Variants in SDK2 observed in about 807,000 individuals in gnomAD.
SDK2 encodes protein sidekick-2.
Under a neutral mutation model 253.9 loss-of-function variants are expected in SDK2, and 105 were observed. The ratio of observed to expected loss-of-function variants is 0.41; its 90% CI spans 0.35 to 0.49. The LOEUF (loss-of-function observed/expected upper bound fraction) is 0.49, where lower values mean the gene tolerates loss of function less well. Ranked by LOEUF, SDK2 falls within the 20% of genes least tolerant of loss-of-function variation. The pLI is 0.06. For synonymous variants in SDK2, 1,249 were observed against 1,234.9 expected (o/e 1.01, Z -0.24); for missense variants, 2,608 against 3,003.0 (o/e 0.87, Z 3.07).
At chr17:73,384,794 C>T (rs2062858859) in intron 32 of SDK2, among the ~76,000 whole-genome samples, 1 of 152,186 alleles carries the variant, frequency 6.6e-6, no homozygotes. Flanking sequence ...CCAGCCTGGG[C>T]AACAGCGCAA....
chr17:73,350,999 G>T (rs147603012), intron 41 of SDK2, among the ~76,000 whole-genome samples: 7 of 152,318 alleles, frequency 4.6e-5, no homozygotes, highest in African/African-American at 1.7e-4. Context: ...GCTGATGTCA[G>T]ATGAGTTCTG....
rs796101816 is a variant in SDK2 at position 73,368,646 on chromosome 17, C to T, written c.4981-53G>A. 6 of 1,409,946 alleles carry T rather than the reference C, an allele frequency of 4.3e-6. No homozygotes were observed. The African/African-American group carries it at 7.2e-5, about 17-fold the overall frequency. 87.3% of individuals were successfully genotyped at this position (1,409,946 alleles called of 1,614,324 possible). A position where few individuals can be genotyped will look rare whatever the true frequency, so the allele number is the denominator to read the frequency against. On this transcript the variant is annotated intron_variant, in intron 36 of 44. Transcript: ENST00000392650. ...AGGGGGACAGGGGCAATGAGAGTCC[C>T]TCCTGTCCCTGCTGACCTGTAGTCT...
chr17:73,387,707 G>A (rs2062884614), intron 30 of SDK2, 129 bp downstream of exon 30: 1 of 778,492 alleles, frequency 1.3e-6, no homozygotes, highest in Non-Finnish European at 2.0e-6. Flanking sequence ...CGCCTGGGTG[G>A]TGCATGTAGG....
intron 1 of SDK2, among the ~76,000 whole-genome samples, chr17:73,559,656 T>C (rs1469502335): frequency 1.7e-5 from 2 of 117,440 alleles, no homozygotes; most frequent in African/African-American, 6.7e-5. Flanking sequence ...CTCTCCAGCC[T>C]CCGAAGGGCC....
chr17:73,358,772 C>T (rs1159794095), intron 39 of SDK2, among the ~76,000 whole-genome samples: 2 of 152,044 alleles, frequency 1.3e-5, no homozygotes, highest in Non-Finnish European at 2.9e-5. Flanking sequence ...ACTGCATTTC[C>T]TATTAGGTTA....
chr17:73,423,831 GAA>G (rs11287411), intron 13 of SDK2, 83 bp downstream of exon 13: 1 of 1,217,088 alleles, frequency 8.2e-7, no homozygotes, highest in Non-Finnish European at 1.1e-6. Flanking sequence ...CTGGGGATCT[GAA>G]AAAAGGGACT....
intron 17 of SDK2, among the ~76,000 whole-genome samples, chr17:73,415,057 G>A (rs189765095): frequency 1.3e-5 from 2 of 152,306 alleles, no homozygotes; most frequent in Admixed American, 6.5e-5. Context: ...GCTGTTTCAT[G>A]ATCTACTTAA....
chr17:73,524,998 C>T (rs192726184), intron 1 of SDK2, among the ~76,000 whole-genome samples: 234 of 152,356 alleles, frequency 1.5e-3, no homozygotes, highest in African/African-American at 5.3e-3. Context: ...TGGGTGAGGC[C>T]GTGGATGGCT....
intron 2 of SDK2, among the ~76,000 whole-genome samples, chr17:73,501,725 A>G (rs942049116): frequency 6.6e-6 from 1 of 152,224 alleles, no homozygotes; most frequent in East Asian, 1.9e-4. Context: ...TTGTTATCAG[A>G]TCTGTTCCAG....
chr17:73,603,746 A>G (rs2045872139), intron 1 of SDK2, among the ~76,000 whole-genome samples: 1 of 152,258 alleles, frequency 6.6e-6, no homozygotes, highest in Non-Finnish European at 1.5e-5. Context: ...AGAGGTTAAG[A>G]AAGTTGCCAG....
intron 4 of SDK2, among the ~76,000 whole-genome samples, chr17:73,448,880 C>T (rs1788052839): frequency 6.6e-6 from 1 of 152,124 alleles, no homozygotes; most frequent in Admixed American, 6.5e-5. Context: ...AGGCTGGTCT[C>T]AAACTCCTGA....
Position 73,629,167 on chromosome 17 carries a change from G to A in SDK2, c.64+14858C>T, listed in dbSNP as rs1218864358. 2.0e-5 allele frequency among the ~76,000 whole-genome samples: 3 copies of A among 152,156 alleles called. No homozygotes were observed. Among genetic ancestry groups the A allele is most frequent in the Non-Finnish European group, 2.9e-5 (2 of 68,028 alleles). On this transcript the variant is annotated intron_variant, in intron 1 of 44. Coordinates refer to ENST00000392650, the MANE Select transcript of SDK2 (RefSeq NM_001144952.2). The surrounding 1 kb of genome is among the most constrained non-coding windows in gnomAD (Gnocchi z 5.0). ...CTGCACATCCTCCTCTATAAAGTGA[G>A]GTAGCCCTTTGTAATCTGACCTTAG... is the stretch of plus-strand genomic sequence containing the variant.
intron 36 of SDK2, among the ~76,000 whole-genome samples, chr17:73,376,698 T>C (rs1027144904): frequency 5.3e-5 from 8 of 152,108 alleles, no homozygotes; most frequent in Non-Finnish European, 1.0e-4. Flanking sequence ...GCCTCGACAG[T>C]CTGGTGGCTG....
chr17:73,433,761 G>C lies in SDK2; in HGVS notation c.1283C>G (p.Ala428Gly), dbSNP rs772493100. 2 of 1,607,554 alleles carry C rather than the reference G, an allele frequency of 1.2e-6. No homozygotes were observed. The highest frequency in any genetic ancestry group is 1.7e-6 in the Non-Finnish European group (2 of 1,177,024). ...SVVLACETSG[A>G]PRPAITWQKG... ...CTGCCAAGTGATAGCTGGTCGGGGCGCCCCCGAGGTCTCACATGCTAGCAC... is the reference window on the plus strand; with the variant it reads ...CTGCCAAGTGATAGCTGGTCGGGGCCCCCCCGAGGTCTCACATGCTAGCAC... Residue 428 changes from alanine (A) to glycine (G), a missense_variant, in exon 10 of 45, where the codon GCG (alanine) becomes GGG (glycine). Ala to Gly is a moderately conservative substitution (Grantham distance 60, BLOSUM62 0). Transcript: ENST00000392650.
chr17:73,563,397 G>T (rs1334860005), intron 1 of SDK2, among the ~76,000 whole-genome samples: 1 of 152,086 alleles, frequency 6.6e-6, no homozygotes, highest in Non-Finnish European at 1.5e-5. Flanking sequence ...AACACAGTGA[G>T]ACCCCACCTC....
chr17:73,494,478 C>T (rs1468472105), intron 2 of SDK2, among the ~76,000 whole-genome samples: 2 of 152,202 alleles, frequency 1.3e-5, no homozygotes, highest in African/African-American at 4.8e-5. Context: ...CATTTTCTCC[C>T]CAAGCCAGGA....
At chr17:73,559,936 C>T (rs910080165) in intron 1 of SDK2, among the ~76,000 whole-genome samples, 10 of 152,330 alleles carry the variant, frequency 6.6e-5, no homozygotes, top group Admixed American at 5.2e-4. Context: ...TCCTCTGTAT[C>T]TTTAGCTTGC....
intron 4 of SDK2, among the ~76,000 whole-genome samples, chr17:73,453,697 C>T (rs1599580836): frequency 6.6e-6 from 1 of 152,140 alleles, no homozygotes; most frequent in Non-Finnish European, 1.5e-5. Context: ...TTTTGTTACG[C>T]AGCATATCTG....
chr17:73,367,399 C>T (rs1045368930), intron 37 of SDK2, among the ~76,000 whole-genome samples: 5 of 152,204 alleles, frequency 3.3e-5, no homozygotes, highest in African/African-American at 7.2e-5. Flanking sequence ...TCTGCGTTCC[C>T]GGGTTCCTCT....
Sources: allele counts gnomAD v4.1 joint callset (sites outside exome capture counted in the v4.1 genomes callset), GRCh38; gene constraint gnomAD v4.1.1; non-coding constraint Gnocchi (gnomAD v3.1); transcripts MANE v1.5; gene names NCBI Gene and HGNC (gene_info 2026-07-23, HGNC 2026-07-21).